The following CDH13 variants were observed in gnomAD, a reference collection of about 807,000 sequenced individuals.
CDH13 encodes cadherin 13, also known as cadherin-13.
In CDH13, 24 loss-of-function variants were observed where a neutral mutation model predicts 63.8. The ratio of observed to expected loss-of-function variants is 0.38; its 90% confidence interval spans 0.27 to 0.53. The LOEUF (loss-of-function observed/expected upper bound fraction) is 0.53. Ranked by LOEUF, CDH13 falls within the 20% of genes least tolerant of loss-of-function variation. The pLI is 0.85. For missense variants in CDH13, 1,049 were observed against 903.1 expected (o/e 1.16, Z -2.07); for synonymous variants, 503 against 355.3 (o/e 1.42, Z -4.67).
At chr16:83,006,368 A>C (rs780039682) in intron 2 of CDH13, among the ~76,000 whole-genome samples, 1 of 152,222 alleles carries the variant, frequency 6.6e-6, no homozygotes, top group South Asian at 2.1e-4. Context: ...AAACGTTCAG[A>C]TATGTCTCCT....
intron 8 of CDH13, among the ~76,000 whole-genome samples, chr16:83,616,404 G>A (rs540912040): frequency 1.3e-5 from 2 of 151,858 alleles, no homozygotes; most frequent in Non-Finnish European, 2.9e-5. Context: ...ACCTCTATGC[G>A]AATTCCGTGC....
At chr16:83,495,375 G>A (rs950624419) in intron 7 of CDH13, among the ~76,000 whole-genome samples, 2 of 152,144 alleles carry the variant, frequency 1.3e-5, no homozygotes, top group Admixed American at 1.3e-4. Flanking sequence ...TCAATAGAAA[G>A]GAAATGTCTA....
At chr16:83,602,151 G>GAAAAAAAAAAAAA (rs1907907036) in intron 7 of CDH13, among the ~76,000 whole-genome samples, 1 of 77,720 alleles carries the variant, frequency 1.3e-5, no homozygotes, top group African/African-American at 4.8e-5. Flanking sequence ...AAACCCAAAG[G>GAAAAAAAAAAAAA]ACAATGTATA....
chr16:83,662,720 A>G (rs1384815260), intron 8 of CDH13, among the ~76,000 whole-genome samples: 1 of 152,242 alleles, frequency 6.6e-6, no homozygotes, highest in African/African-American at 2.4e-5. Context: ...CCAAAGCACC[A>G]TCAAAGGGAC....
intron 4 of CDH13, among the ~76,000 whole-genome samples, chr16:83,210,334 G>A (rs909754036): frequency 6.6e-6 from 1 of 151,922 alleles, no homozygotes; most frequent in African/African-American, 2.4e-5. Flanking sequence ...CAAAGTGCTG[G>A]GATTATGAGC....
rs1434448671 is a variant in CDH13 at position 83,047,539 on chromosome 16, C to T, written c.366+15321C>T. On this transcript the variant is annotated intron_variant, in intron 3 of 13. Transcript: ENST00000567109. The surrounding 1 kb of genome is among the most constrained non-coding windows in gnomAD (Gnocchi z 4.9). ...GGAAGGGGAGGATAAGAAAGAAGAC[C>T]TAAAAACTGAATTTTTAAAATACAA... 1.3e-5 allele frequency among the ~76,000 whole-genome samples: 2 copies of T among 152,068 alleles called. No homozygotes were observed. The highest frequency in any genetic ancestry group is 2.9e-5 in the Non-Finnish European group (2 of 68,030).
chr16:83,419,194 C>T (rs935928082), intron 6 of CDH13, among the ~76,000 whole-genome samples: 3 of 152,076 alleles, frequency 2.0e-5, no homozygotes, highest in Non-Finnish European at 4.4e-5. Flanking sequence ...CTATCGTGCC[C>T]CCTGCCTCTG....
chr16:82,872,806 C>G (rs757645907), intron 2 of CDH13, among the ~76,000 whole-genome samples: 4 of 152,192 alleles, frequency 2.6e-5, no homozygotes, highest in Non-Finnish European at 5.9e-5. Flanking sequence ...GTCCCTACCA[C>G]TCATTTAGCC....
At chr16:83,270,902 C>T (rs941690421) in intron 5 of CDH13, among the ~76,000 whole-genome samples, 1 of 148,236 alleles carries the variant, frequency 6.7e-6, no homozygotes, top group African/African-American at 2.5e-5. Flanking sequence ...CTTCCTCCCT[C>T]CTTTCCTTCC....
intron 6 of CDH13, among the ~76,000 whole-genome samples, chr16:83,446,068 G>T (rs181725648): frequency 1.2e-4 from 18 of 152,232 alleles, no homozygotes; most frequent in Non-Finnish European, 2.5e-4. Flanking sequence ...GGAGGCTGAG[G>T]TGGGGGGGCA....
At chr16:82,781,252 G>T (rs534004850) in intron 1 of CDH13, among the ~76,000 whole-genome samples, 1 of 152,140 alleles carries the variant, frequency 6.6e-6, no homozygotes, top group South Asian at 2.1e-4. Context: ...ATACCAATTG[G>T]CCTATAGCTT....
intron 6 of CDH13, among the ~76,000 whole-genome samples, chr16:83,365,661 C>G (rs980416188): frequency 6.6e-6 from 1 of 151,976 alleles, no homozygotes. Context: ...CCAGGTGGAC[C>G]CAGGTAATCA....
At chr16:83,374,152 A>T (rs1567625811) in intron 6 of CDH13, among the ~76,000 whole-genome samples, 1 of 152,236 alleles carries the variant, frequency 6.6e-6, no homozygotes, top group Non-Finnish European at 1.5e-5. Context: ...GACTGGATCC[A>T]CATAACCTGA....
At chr16:83,072,901 G>T (rs2032542845) in intron 3 of CDH13, among the ~76,000 whole-genome samples, 1 of 152,154 alleles carries the variant, frequency 6.6e-6, no homozygotes, top group Admixed American at 6.6e-5. Flanking sequence ...ACATTTCTGT[G>T]GGCTCTCATA....
At chr16:83,306,486 C>T (rs987370150) in intron 5 of CDH13, among the ~76,000 whole-genome samples, 5 of 152,194 alleles carry the variant, frequency 3.3e-5, no homozygotes, top group African/African-American at 1.2e-4. Context: ...CCTTGGGTTT[C>T]ATTCCCTTGG....
At chr16:82,772,695 C>G (rs9940236) in intron 1 of CDH13, among the ~76,000 whole-genome samples, 4,573 of 152,322 alleles carry the variant, frequency 0.03, 234 homozygotes, top group African/African-American at 0.1. Flanking sequence ...ATCATCCTCA[C>G]TCTAACTATT....
Position 82,891,217 on chromosome 16 carries a change from T to C in CDH13, c.157+32744T>C, listed in dbSNP as rs115654661. Among the ~76,000 whole-genome samples the C allele has an allele frequency of 8.2e-3, 1,249 of 152,272 alleles. 31 individuals are homozygous for C. Among genetic ancestry groups the C allele is most frequent in the African/African-American group, 0.029 (1,208 of 41,562 alleles). On this transcript the variant is annotated intron_variant, in intron 2 of 13. Coordinates refer to ENST00000567109, the MANE Select transcript of CDH13 (RefSeq NM_001257.5). ...AAAATGAGTTCCATGCTGGAACTTA[T>C]GTGGAGAATCTATGTTCTGTATCTC...
chr16:83,102,413 G>C (rs529482909), intron 3 of CDH13, among the ~76,000 whole-genome samples: 13 of 152,224 alleles, frequency 8.5e-5, no homozygotes, highest in Admixed American at 4.6e-4. Flanking sequence ...GCTCTGAAGT[G>C]GGGGTGGGTC....
intron 1 of CDH13, among the ~76,000 whole-genome samples, chr16:82,838,275 C>T (rs1255857889): frequency 2.0e-5 from 3 of 152,160 alleles, no homozygotes; most frequent in African/African-American, 7.2e-5. Flanking sequence ...ATGGGTATCT[C>T]CACTAGAAGG....
Sources: gnomAD v4.1 joint callset for allele counts (sites outside exome capture counted in the v4.1 genomes callset) on GRCh38, gnomAD v4.1.1 for gene constraint, Gnocchi (gnomAD v3.1) non-coding constraint, MANE v1.5 for transcripts, NCBI Gene and HGNC (gene_info 2026-07-23, HGNC 2026-07-21) for gene names.